Variants in KCNH7 observed in about 807,000 individuals in gnomAD.
KCNH7 encodes the protein voltage-gated inwardly rectifying potassium channel KCNH7.
Under a neutral mutation model 120.8 loss-of-function variants are expected in KCNH7, and 49 were observed. The ratio of observed to expected loss-of-function variants is 0.41; its 90% CI spans 0.32 to 0.51. KCNH7 has a LOEUF of 0.51. KCNH7 is among the 20% of genes least tolerant of loss of function. KCNH7 has a pLI of 0.38. For synonymous variants in KCNH7, 547 were observed against 516.1 expected (o/e 1.06, Z -0.81); for missense variants, 1,097 against 1,446.6 (o/e 0.76, Z 3.92).
At chr2:162,435,686 G>T in intron 7 of KCNH7, 89 bp from the exon 8 acceptor site, 1 of 1,310,796 alleles carries the variant, frequency 7.6e-7, no homozygotes, top group Non-Finnish European at 1.0e-6. Context: ...AACAGGTTAA[G>T]ACAATAGGGT....
At chr2:162,480,886 G>T (rs929733998) in intron 6 of KCNH7, among the ~76,000 whole-genome samples, 1 of 152,128 alleles carries the variant, frequency 6.6e-6, no homozygotes, top group Admixed American at 6.6e-5. Context: ...GATCGGAGCT[G>T]TCTCATGCTA....
intron 2 of KCNH7, among the ~76,000 whole-genome samples, chr2:162,765,378 G>A (rs1490641691): frequency 6.6e-6 from 1 of 152,132 alleles, no homozygotes; most frequent in African/African-American, 2.4e-5. Context: ...AACCCTGATT[G>A]ACAAGGATGA....
chr2:162,789,052 G>C (rs188600022), intron 2 of KCNH7, among the ~76,000 whole-genome samples: 1 of 147,392 alleles, frequency 6.8e-6, no homozygotes, highest in African/African-American at 2.5e-5. Context: ...CCTAGCAAAG[G>C]TTTCCTCAAA....
chr2:162,380,301 G>A (rs556201690), intron 13 of KCNH7, among the ~76,000 whole-genome samples: 3 of 152,294 alleles, frequency 2.0e-5, no homozygotes, highest in African/African-American at 7.2e-5. Flanking sequence ...TGTGCTAGGA[G>A]AAGATAAGAA....
intron 2 of KCNH7, among the ~76,000 whole-genome samples, chr2:162,798,298 T>A (rs1436620274): frequency 6.6e-6 from 1 of 152,052 alleles, no homozygotes; most frequent in East Asian, 1.9e-4. Context: ...CCCAGAGAAT[T>A]TCTGAAAGAA....
At chr2:162,746,301 T>C (rs759179461) in intron 2 of KCNH7, among the ~76,000 whole-genome samples, 25 of 152,146 alleles carry the variant, frequency 1.6e-4, no homozygotes, top group Admixed American at 6.5e-4. Context: ...ACTCAAATAG[T>C]AATTTGTCAT....
At chr2:162,617,856 A>T (rs911092632) in intron 2 of KCNH7, among the ~76,000 whole-genome samples, 1 of 152,136 alleles carries the variant, frequency 6.6e-6, no homozygotes, top group Non-Finnish European at 1.5e-5. Context: ...CATTAAAATG[A>T]TGTGCCATTT....
chr2:162,586,391 G>A (rs921559890), intron 2 of KCNH7, among the ~76,000 whole-genome samples: 9 of 152,012 alleles, frequency 5.9e-5, no homozygotes, highest in African/African-American at 2.2e-4. Context: ...GAAAGGCCCA[G>A]GCTCCCTGGC....
intron 14 of KCNH7, among the ~76,000 whole-genome samples, chr2:162,378,942 C>T (rs1558915929): frequency 1.3e-5 from 2 of 152,156 alleles, no homozygotes; most frequent in Non-Finnish European, 1.5e-5. Context: ...TTGGTAACTT[C>T]GTTACATTAT....
intron 6 of KCNH7, among the ~76,000 whole-genome samples, chr2:162,465,050 G>C (rs115360947): frequency 6.6e-6 from 1 of 152,230 alleles, no homozygotes; most frequent in East Asian, 1.9e-4. Flanking sequence ...AAAGGGGAAA[G>C]TCTAGGAATA....
At chr2:162,804,867 T>C (rs1350710003) in intron 2 of KCNH7, among the ~76,000 whole-genome samples, 2 of 151,448 alleles carry the variant, frequency 1.3e-5, no homozygotes, top group African/African-American at 2.4e-5. Context: ...CAAGGCCGTA[T>C]TTACCAAAAT....
At chr2:162,746,415 T>C (rs535851098) in intron 2 of KCNH7, among the ~76,000 whole-genome samples, 1 of 152,162 alleles carries the variant, frequency 6.6e-6, no homozygotes, top group Non-Finnish European at 1.5e-5. Context: ...ATCTTTAAAA[T>C]ATTTATAGTG....
chr2:162,489,599 G>T (rs1690223309), intron 6 of KCNH7, among the ~76,000 whole-genome samples: 1 of 152,138 alleles, frequency 6.6e-6, no homozygotes, highest in South Asian at 2.1e-4. Flanking sequence ...TGAAGACAAT[G>T]ATCTTATTTA....
chr2:162,494,559 T>C lies in KCNH7; in HGVS notation c.1128+9884A>G, dbSNP rs142560881. On this transcript the variant is annotated intron_variant, in intron 6 of 15. Transcript: ENST00000332142. ...GTATGGGATGTCTAAAATTCTAATG[T>C]CTGAGTACATGCTATCAATCATAAT... is the stretch of plus-strand genomic sequence containing the variant. Among the ~76,000 whole-genome samples, 6 of 152,302 alleles carry C rather than the reference T, an allele frequency of 3.9e-5. No homozygotes were observed. In the East Asian group the frequency reaches 1.2e-3, roughly 29 times the overall value.
chr2:162,764,132 C>T (rs560145394), intron 2 of KCNH7, among the ~76,000 whole-genome samples: 1 of 152,062 alleles, frequency 6.6e-6, no homozygotes, highest in Non-Finnish European at 1.5e-5. Context: ...TAGTATATTA[C>T]TGCAACTGTA....
At chr2:162,549,707 T>C (rs2105854275) in intron 2 of KCNH7, among the ~76,000 whole-genome samples, 1 of 152,334 alleles carries the variant, frequency 6.6e-6, no homozygotes, top group African/African-American at 2.4e-5. Context: ...GTATTACATT[T>C]GAAAAGAAAG....
At chr2:162,379,773 AT>A in intron 14 of KCNH7, 79 bp downstream of exon 14, 1 of 1,356,940 alleles carries the variant, frequency 7.4e-7, no homozygotes, top group Non-Finnish European at 1.0e-6. Context: ...GGCAAGGAGA[AT>A]TTTCCATTTG....
intron 2 of KCNH7, among the ~76,000 whole-genome samples, chr2:162,719,207 G>C (rs1687239201): frequency 6.6e-6 from 1 of 151,982 alleles, no homozygotes; most frequent in African/African-American, 2.4e-5. Context: ...ATTAGTGGGA[G>C]CTTGCTATTT....
chr2:162,544,231 T>C (rs1482371915), intron 2 of KCNH7, among the ~76,000 whole-genome samples: 1 of 152,170 alleles, frequency 6.6e-6, no homozygotes, highest in East Asian at 1.9e-4. Context: ...TGACAGAACT[T>C]AGCTTCTTTC....
Sources: allele counts gnomAD v4.1 joint callset (sites outside exome capture counted in the v4.1 genomes callset), GRCh38; gene constraint gnomAD v4.1.1; transcripts MANE v1.5; gene names NCBI Gene and HGNC (gene_info 2026-07-23, HGNC 2026-07-21).